Variants in JAKMIP3 observed in about 807,000 individuals in gnomAD.
JAKMIP3 encodes the protein Janus kinase and microtubule interacting protein 3.
Under a neutral mutation model 118.5 loss-of-function variants are expected in JAKMIP3, and 58 were observed. The observed-to-expected ratio is 0.49, with a 90% CI of 0.40 to 0.61. The LOEUF (loss-of-function observed/expected upper bound fraction) is 0.61. Among genes scored for constraint, JAKMIP3 ranks in the 20% least tolerant of loss-of-function variants. The pLI is 0.00. For synonymous variants in JAKMIP3, 486 were observed against 451.2 expected (o/e 1.08, Z -0.98); for missense variants, 950 against 1,109.0 (o/e 0.86, Z 2.04).
chr10:132,121,871 G>A (rs558124948), intron 3 of JAKMIP3, among the ~76,000 whole-genome samples: 4 of 152,298 alleles, frequency 2.6e-5, no homozygotes, highest in East Asian at 1.9e-4. Context: ...GAGGACAGTC[G>A]CGTCTGGCAG....
upstream of JAKMIP3, among the ~76,000 whole-genome samples, chr10:132,062,158 G>A (rs1007937284): frequency 2.6e-5 from 4 of 152,174 alleles, no homozygotes; most frequent in African/African-American, 9.7e-5. Flanking sequence ...TGGGCAGCCA[G>A]TGAGTGGCTG....
At chr10:132,164,036 G>T (rs111705229) in intron 20 of JAKMIP3, among the ~76,000 whole-genome samples, 16 of 152,246 alleles carry the variant, frequency 1.1e-4, no homozygotes, top group African/African-American at 3.9e-4. Context: ...CGGCTTTATG[G>T]ATGTATTCCT....
chr10:132,145,235 G>A (rs527544147), intron 12 of JAKMIP3, 45 bp downstream of exon 12: 2 of 1,478,140 alleles, frequency 1.4e-6, no homozygotes, highest in African/African-American at 1.4e-5. Flanking sequence ...ACACGTGGGT[G>A]GGAGGTATTT....
In JAKMIP3 at chr10:132,104,716, C is replaced by G. The variant is rs941099260; in HGVS notation, c.-93C>G. The G allele has an allele frequency of 3.8e-6, 5 of 1,326,898 alleles. No homozygotes were observed. The highest frequency in any genetic ancestry group is 3.1e-6 in the Non-Finnish European group (3 of 959,818). 82.2% of individuals were successfully genotyped at this position (1,326,898 alleles called of 1,614,324 possible). On this transcript the variant is annotated 5_prime_UTR_variant, in exon 2 of 24. Transcript: ENST00000684848. ...GTGACAGCAGCCCGGGTGACACCTG[C>G]TGGGAGCTTGGCGTGGACACCCCAG...
chr10:132,091,234 G>A (rs535530620), intron 1 of JAKMIP3, among the ~76,000 whole-genome samples: 148 of 152,338 alleles, frequency 9.7e-4, no homozygotes, highest in African/African-American at 3.3e-3. Context: ...GTGATGTGGT[G>A]CTGAGAAGAA....
intron 1 of JAKMIP3, among the ~76,000 whole-genome samples, chr10:132,040,726 C>T (rs376895289): frequency 4.0e-5 from 6 of 150,162 alleles, no homozygotes; most frequent in African/African-American, 1.2e-4. Context: ...TTTAAGTGTA[C>T]GACACTTAAA....
At chr10:132,154,584 A>G (rs564540603) in intron 19 of JAKMIP3, among the ~76,000 whole-genome samples, 2 of 152,346 alleles carry the variant, frequency 1.3e-5, no homozygotes, top group South Asian at 4.1e-4. Flanking sequence ...GGAGGATATC[A>G]GGCCATGTTG....
chr10:132,153,168 C>CT, intron 17 of JAKMIP3, 145 bp downstream of exon 17: 1 of 651,724 alleles, frequency 1.5e-6, no homozygotes, highest in African/African-American at 1.8e-5. Flanking sequence ...CCTGGGAGAT[C>CT]TGACACACTC....
At chr10:132,180,742 C>CGTGTGTGTGTGTGTGTGT (rs1262889146) in intron 23 of JAKMIP3, among the ~76,000 whole-genome samples, 1 of 8,716 alleles carries the variant, frequency 1.1e-4, no homozygotes, top group Non-Finnish European at 2.2e-4. Flanking sequence ...TGTGTGCGTG[C>CGTGTGTGTGTGTGTGTGT]GTGCGCGCGC....
chr10:132,068,610 T>C (rs1019102385), intron 1 of JAKMIP3, among the ~76,000 whole-genome samples: 3 of 152,218 alleles, frequency 2.0e-5, no homozygotes, highest in Non-Finnish European at 2.9e-5. Flanking sequence ...AGCCGGAGAC[T>C]GGAGGTGTCT....
chr10:132,078,727 G>A (rs2041271619), intron 1 of JAKMIP3, among the ~76,000 whole-genome samples: 1 of 152,096 alleles, frequency 6.6e-6, no homozygotes, highest in Non-Finnish European at 1.5e-5. Flanking sequence ...GCATTATTTG[G>A]ACTAGAGAAT....
chr10:132,087,137 C>CA (rs2042499119), intron 1 of JAKMIP3, among the ~76,000 whole-genome samples: 1 of 152,148 alleles, frequency 6.6e-6, no homozygotes, highest in African/African-American at 2.4e-5. Flanking sequence ...TTACTGGATA[C>CA]AAAAGAGTTG....
intron 23 of JAKMIP3, among the ~76,000 whole-genome samples, chr10:132,175,542 G>T (rs1251749935): frequency 6.6e-6 from 1 of 152,176 alleles, no homozygotes; most frequent in African/African-American, 2.4e-5. Flanking sequence ...CCCAGGGTGG[G>T]CTGGATCTCT....
intron 20 of JAKMIP3, among the ~76,000 whole-genome samples, chr10:132,163,775 G>A (rs1022933229): frequency 6.6e-6 from 1 of 152,216 alleles, no homozygotes; most frequent in Admixed American, 6.5e-5. Context: ...GGCGTGTTGC[G>A]GAGGCCTCTG....
intron 23 of JAKMIP3, among the ~76,000 whole-genome samples, chr10:132,180,582 T>A (rs1364400590): frequency 4.7e-5 from 1 of 21,304 alleles, no homozygotes; most frequent in Non-Finnish European, 9.7e-5. Context: ...TGTGTGTGCG[T>A]GCGCGTGTGT....
At chr10:132,081,125 T>C (rs2041711927) in intron 1 of JAKMIP3, among the ~76,000 whole-genome samples, 1 of 152,178 alleles carries the variant, frequency 6.6e-6, no homozygotes, top group Admixed American at 6.5e-5. Flanking sequence ...AACTTTTGCA[T>C]AGGGTGTAAG....
rs112726992 is a variant in JAKMIP3 at position 132,092,809 on chromosome 10, G to A, written c.-137-11863G>A. ...TATCCAGCTTTGTTCCATTGCTGGC[G>A]AGGAGCTGCATTCCTTTGGAGGGGG... On this transcript the variant is annotated intron_variant, in intron 1 of 23. Coordinates refer to ENST00000684848, the MANE Select transcript of JAKMIP3 (RefSeq NM_001323087.2). Among the ~76,000 whole-genome samples the A allele has an allele frequency of 4.2e-3, 638 of 152,334 alleles. 3 individuals are homozygous for A. The highest frequency in any genetic ancestry group is 0.014 in the African/African-American group (602 of 41,582).
At position 132,103,454 on chromosome 10, in the gene JAKMIP3, TGGG is replaced by T. The variant is rs10537368; in HGVS notation, c.-137-1211_-137-1209del. 3.4e-3 allele frequency among the ~76,000 whole-genome samples: 190 copies of T among 56,458 alleles called. 3 individuals carry two copies. Among genetic ancestry groups the T allele is most frequent in the African/African-American group, 6.1e-3 (70 of 11,506 alleles). The allele number at this position is 56,458 out of a possible 152,430, so 37.0% of individuals were successfully genotyped here. Reference sequence around the variant, plus strand: ...GGAGCACCTGGGGGAGAGGAGCAGCTGGGGGGGGGAGGAGCAGCTGGAGGGGAA... The same window carrying T: ...GGAGCACCTGGGGGAGAGGAGCAGCTGGGGGGAGGAGCAGCTGGAGGGGAA... On this transcript the variant is annotated intron_variant, in intron 1 of 23. Coordinates refer to ENST00000684848, the MANE Select transcript of JAKMIP3 (RefSeq NM_001323087.2).
chr10:132,063,714 G>A (rs2038489588), upstream of JAKMIP3, among the ~76,000 whole-genome samples: 1 of 152,138 alleles, frequency 6.6e-6, no homozygotes, highest in Non-Finnish European at 1.5e-5. Flanking sequence ...GCACATACAC[G>A]CATGTGCATC....
Sources: gnomAD v4.1 joint callset for allele counts (sites outside exome capture counted in the v4.1 genomes callset) on GRCh38, gnomAD v4.1.1 for gene constraint, MANE v1.5 for transcripts, NCBI Gene and HGNC (gene_info 2026-07-23, HGNC 2026-07-21) for gene names.